Variants in KCMF1 observed in about 807,000 individuals in gnomAD.
KCMF1 encodes the protein E3 ubiquitin-protein ligase KCMF1.
In KCMF1, 3 loss-of-function variants were observed where a neutral mutation model predicts 41.1. The observed-to-expected ratio is 0.07, with a 90% confidence interval of 0.03 to 0.19. The LOEUF is 0.19. Among genes scored for constraint, KCMF1 ranks in the 10% least tolerant of loss-of-function variants. KCMF1 has a pLI of 1.00. For synonymous variants in KCMF1, 142 were observed against 164.5 expected, an observed-to-expected ratio of 0.86 and a Z score of 1.04; for missense variants, 286 against 488.9, an observed-to-expected ratio of 0.58 and a Z score of 3.91.
At chr2:84,998,571 A>G (rs117958336) in intron 1 of KCMF1, among the ~76,000 whole-genome samples, 2 of 150,746 alleles carry the variant, frequency 1.3e-5, no homozygotes, top group East Asian at 2.0e-4. Context: ...CCAACGCCTT[A>G]TTTATTTATT....
chr2:84,981,515 T>A (rs1387895168), intron 1 of KCMF1, among the ~76,000 whole-genome samples: 3 of 152,102 alleles, frequency 2.0e-5, no homozygotes, highest in African/African-American at 4.8e-5. Context: ...AATGTTTTTT[T>A]AATCTCTTTT....
chr2:84,998,201 C>T (rs991486288), intron 1 of KCMF1, among the ~76,000 whole-genome samples: 16 of 152,038 alleles, frequency 1.1e-4, no homozygotes, highest in African/African-American at 3.9e-4. Flanking sequence ...AAGCACTTCT[C>T]CTGCCTCAGC....
chr2:84,987,077 A>C (rs533119185), intron 1 of KCMF1, among the ~76,000 whole-genome samples: 1 of 152,336 alleles, frequency 6.6e-6, no homozygotes, highest in Admixed American at 6.5e-5. Context: ...GGTTTTCTAA[A>C]TTAGATAAAG....
At chr2:85,026,459 TTTATTA>T (rs35093562) in intron 1 of KCMF1, among the ~76,000 whole-genome samples, 2,294 of 139,330 alleles carry the variant, frequency 0.016, 62 homozygotes, top group African/African-American at 0.056. Flanking sequence ...CTTTCTTTCC[TTTATTA>T]TTATTATTAT....
At chr2:85,005,568 G>A (rs1384980501) in intron 1 of KCMF1, among the ~76,000 whole-genome samples, 1 of 152,124 alleles carries the variant, frequency 6.6e-6, no homozygotes, top group Non-Finnish European at 1.5e-5. Context: ...GGGATTACAG[G>A]CATGAGCCAC....
intron 1 of KCMF1, among the ~76,000 whole-genome samples, chr2:84,983,760 C>G (rs1355302277): frequency 6.6e-6 from 1 of 152,154 alleles, no homozygotes; most frequent in African/African-American, 2.4e-5. Context: ...ATCCACCCAC[C>G]TTGGCCTCCC....
intron 3 of KCMF1, among the ~76,000 whole-genome samples, chr2:85,036,275 G>C (rs1038824712): frequency 5.9e-5 from 9 of 152,142 alleles, no homozygotes; most frequent in Admixed American, 3.3e-4. Context: ...TCAGACTACT[G>C]TTGTCACATT....
chr2:85,039,639 C>G (rs1277016448), intron 3 of KCMF1, among the ~76,000 whole-genome samples: 1 of 152,208 alleles, frequency 6.6e-6, no homozygotes, highest in Admixed American at 6.5e-5. Flanking sequence ...AATGGAGACT[C>G]TGTACGTTCT....
rs1159693094 is a variant in KCMF1, at chr2:85,054,944, A to C, written c.*1535A>C. ...GAACTGTGAAGTCCATGTTCATCCA[A>C]ATGTAACCAAAAAAGAAGTCACCCT... On this transcript the variant is annotated 3_prime_UTR_variant, in exon 7 of 7. Transcript: ENST00000409785. The C allele has an allele frequency of 6.6e-6, 1 of 152,102 alleles. No homozygotes were observed. Among genetic ancestry groups the C allele is most frequent in the Non-Finnish European group, 1.5e-5 (1 of 68,026 alleles). 9.4% of individuals were successfully genotyped at this position (152,102 alleles called of 1,614,324 possible). A position where few individuals can be genotyped will look rare whatever the true frequency, so the allele number is the denominator to read the frequency against.
chr2:84,971,483 G>C lies in KCMF1; in HGVS notation c.16+16G>C. 2.4e-6 allele frequency: 3 copies of C among 1,236,922 alleles called. No homozygotes were observed. Among genetic ancestry groups the C allele is most frequent in the Non-Finnish European group, 3.1e-6 (3 of 967,322 alleles). 76.6% of individuals were successfully genotyped at this position (1,236,922 alleles called of 1,614,324 possible). A position where few individuals can be genotyped will look rare whatever the true frequency, so the allele number is the denominator to read the frequency against. ...CGACATGAAGGTGAGAGGAGCCCCC[G>C]CCCCCACCCGCACCTCCCGGGCCTC... On this transcript the variant is annotated intron_variant, in intron 1 of 6. Transcript: ENST00000409785.
At position 85,053,453 on chromosome 2, in the gene KCMF1, C is replaced by T. The variant is rs1342192136; in HGVS notation, c.*44C>T. 6.4e-7 allele frequency: 1 copy of T among 1,552,900 alleles called. No homozygotes were observed. Among genetic ancestry groups the T allele is most frequent in the Admixed American group, 2.0e-5 (1 of 51,188 alleles). ...ACAATGTCCTCTGTGCTGTATTTGC[C>T]AATGAAAGTGGACAACAACTATCTT... On this transcript the variant is annotated 3_prime_UTR_variant, in exon 7 of 7. Coordinates refer to ENST00000409785, the MANE Select transcript of KCMF1 (RefSeq NM_020122.5).
intron 1 of KCMF1, among the ~76,000 whole-genome samples, chr2:84,980,566 G>A (rs1673709151): frequency 6.6e-6 from 1 of 151,964 alleles, no homozygotes; most frequent in Non-Finnish European, 1.5e-5. Context: ...GTTTTTAGTT[G>A]TTGGCTCTCT....
Position 85,013,763 on chromosome 2 carries a change from G to C in KCMF1, c.17-14126G>C, listed in dbSNP as rs533007668. Among the ~76,000 whole-genome samples the C allele has an allele frequency of 3.3e-5, 5 of 149,562 alleles. No individual in the cohort carries two copies. The Admixed American group carries it at 3.4e-4, about 10-fold the overall frequency. ...CAGTGAGCCGAGATCACACCACTGT[G>C]CTCCAGCCTGGGCGACAGAGCGAGA... On this transcript the variant is annotated intron_variant, in intron 1 of 6. Coordinates refer to ENST00000409785, the MANE Select transcript of KCMF1 (RefSeq NM_020122.5).
chr2:84,973,629 T>C (rs191050187), intron 1 of KCMF1, among the ~76,000 whole-genome samples: 7 of 152,258 alleles, frequency 4.6e-5, no homozygotes, highest in Non-Finnish European at 1.0e-4. Flanking sequence ...CGAATCACAT[T>C]TAACTCATTA....
intron 3 of KCMF1, among the ~76,000 whole-genome samples, chr2:85,040,122 A>T (rs1245807755): frequency 6.6e-6 from 1 of 152,154 alleles, no homozygotes; most frequent in Admixed American, 6.5e-5. Context: ...GGCCCAGATG[A>T]TTTATATTCT....
At chr2:85,016,434 T>TAAA (rs71890895) in intron 1 of KCMF1, among the ~76,000 whole-genome samples, 2 of 150,572 alleles carry the variant, frequency 1.3e-5, no homozygotes, top group African/African-American at 4.9e-5. Flanking sequence ...GAAAGCTCTC[T>TAAA]AAAAAAAAAC....
chr2:85,049,917 G>T (rs1447965084), intron 6 of KCMF1, among the ~76,000 whole-genome samples: 1 of 152,104 alleles, frequency 6.6e-6, no homozygotes, highest in Non-Finnish European at 1.5e-5. Flanking sequence ...CCAGCACTTT[G>T]GGAGGCCAAG....
chr2:85,050,164 G>A (rs984974598), intron 6 of KCMF1, among the ~76,000 whole-genome samples: 1 of 151,878 alleles, frequency 6.6e-6, no homozygotes, highest in African/African-American at 2.4e-5. Flanking sequence ...TAAAATAACT[G>A]GTCTTGTTCT....
intron 1 of KCMF1, among the ~76,000 whole-genome samples, chr2:85,025,022 T>C (rs1675058681): frequency 6.6e-6 from 1 of 152,222 alleles, no homozygotes. Context: ...GCTCTTGATA[T>C]ATAAAACAAG....
Sources: allele counts gnomAD v4.1 joint callset (sites outside exome capture counted in the v4.1 genomes callset), GRCh38; gene constraint gnomAD v4.1.1; transcripts MANE v1.5; gene names NCBI Gene and HGNC (gene_info 2026-07-23, HGNC 2026-07-21).